Variants in CNTN4 observed in about 807,000 individuals in gnomAD.
The protein encoded by CNTN4 is contactin 4, also known as contactin-4.
A neutral mutation model predicts 122.5 loss-of-function variants in CNTN4; 77 were observed. The observed-to-expected ratio is 0.63, with a 90% CI of 0.52 to 0.76. The LOEUF (loss-of-function observed/expected upper bound fraction) is 0.76. Among genes scored for constraint, CNTN4 ranks in the 30% least tolerant of loss-of-function variants. The pLI is 0.00. For missense variants in CNTN4, 1,256 were observed against 1,259.1 expected, an observed-to-expected ratio of 1.00 and a Z score of 0.04; for synonymous variants, 512 against 447.0, an observed-to-expected ratio of 1.15 and a Z score of -1.83.
chr3:2,611,313 G>GAAAAAAA (rs1370397110), intron 4 of CNTN4, among the ~76,000 whole-genome samples: 16 of 113,600 alleles, frequency 1.4e-4, no homozygotes, highest in Non-Finnish European at 2.6e-4. Context: ...AAAAAAAAAA[G>GAAAAAAA]AAAGAAAGAA....
intron 3 of CNTN4, among the ~76,000 whole-genome samples, chr3:2,354,283 C>A (rs1022541182): frequency 1.3e-5 from 2 of 152,156 alleles, no homozygotes; most frequent in South Asian, 4.1e-4. Flanking sequence ...GTAATCCCAG[C>A]ACTTTGGGAG....
At chr3:2,564,290 C>T (rs944935468) in intron 3 of CNTN4, among the ~76,000 whole-genome samples, 13 of 152,074 alleles carry the variant, frequency 8.5e-5, no homozygotes, top group African/African-American at 3.1e-4. Flanking sequence ...TAAAAAATTA[C>T]AATAAGTGAT....
intron 4 of CNTN4, among the ~76,000 whole-genome samples, chr3:2,610,795 G>A (rs2081448753): frequency 6.6e-6 from 1 of 152,094 alleles, no homozygotes; most frequent in African/African-American, 2.4e-5. Flanking sequence ...AGTATTTTCA[G>A]AGTGTATTGT....
At chr3:2,512,091 C>T (rs1388854287) in intron 3 of CNTN4, among the ~76,000 whole-genome samples, 2 of 152,104 alleles carry the variant, frequency 1.3e-5, no homozygotes, top group South Asian at 2.1e-4. Context: ...AAAAGAAGTG[C>T]CTGTATTTCC....
chr3:2,979,227 T>G (rs1311191236), intron 13 of CNTN4, among the ~76,000 whole-genome samples: 1 of 152,024 alleles, frequency 6.6e-6, no homozygotes, highest in Non-Finnish European at 1.5e-5. Flanking sequence ...AGCCTCCTGG[T>G]GGGGGAAAGT....
chr3:2,497,373 A>G (rs1291707481), intron 3 of CNTN4, among the ~76,000 whole-genome samples: 1 of 152,108 alleles, frequency 6.6e-6, no homozygotes, highest in Non-Finnish European at 1.5e-5. Context: ...TCCCTATAGC[A>G]TTTTCACCCT....
At chr3:2,597,864 A>G (rs1313020724) in intron 4 of CNTN4, among the ~76,000 whole-genome samples, 1 of 152,196 alleles carries the variant, frequency 6.6e-6, no homozygotes, top group Non-Finnish European at 1.5e-5. Context: ...GAGTACTTCT[A>G]AAAGTAAACA....
Position 2,764,112 on chromosome 3 carries a change from C to T in CNTN4, c.358+18415C>T, listed in dbSNP as rs554036718. Among the ~76,000 whole-genome samples the T allele has an allele frequency of 9.2e-5, 14 of 152,168 alleles. No individual in the cohort carries two copies. The East Asian group carries it at 2.7e-3, about 29-fold the overall frequency. ...AGCATTCATCCATTCAGATATTTTTCTGAGTGCCTACTCTGTGCTGGGCAG... is the reference window on the plus strand; with the variant it reads ...AGCATTCATCCATTCAGATATTTTTTTGAGTGCCTACTCTGTGCTGGGCAG... On this transcript the variant is annotated intron_variant, in intron 6 of 24. Transcript: ENST00000418658.
chr3:2,746,308 GA>G, intron 6 of CNTN4, among the ~76,000 whole-genome samples: 1 of 151,968 alleles, frequency 6.6e-6, no homozygotes, highest in East Asian at 1.9e-4. Context: ...AAAACATGGA[GA>G]CAAAGTGTTA....
chr3:2,357,241 C>G (rs1245342117), intron 3 of CNTN4, among the ~76,000 whole-genome samples: 2 of 152,162 alleles, frequency 1.3e-5, no homozygotes, highest in Non-Finnish European at 2.9e-5. Context: ...AATCACTGTA[C>G]TTTTCAGAAT....
Position 2,423,480 on chromosome 3 carries a change from GTTT to G in CNTN4, c.-89+84261_-89+84263del, listed in dbSNP as rs199622494. Among the ~76,000 whole-genome samples, 5 of 114,210 alleles carry G rather than the reference GTTT, an allele frequency of 4.4e-5. No individual in the cohort carries two copies. The Admixed American group carries it at 4.4e-4, about 10-fold the overall frequency. The allele number at this position is 114,210 out of a possible 152,430, so 74.9% of individuals were successfully genotyped here. A position where few individuals can be genotyped will look rare whatever the true frequency, so the allele number is the denominator to read the frequency against. ...TTTCTGAAAGACAGGGTGAAAACTT[GTTT>G]TTTTTTTTTTTTTCAAATGTGCCTC... On this transcript the variant is annotated intron_variant, in intron 3 of 24. Transcript: ENST00000418658.
chr3:2,335,289 A>G (rs2043901497), intron 2 of CNTN4, among the ~76,000 whole-genome samples: 1 of 141,348 alleles, frequency 7.1e-6, no homozygotes, highest in Non-Finnish European at 1.5e-5. Context: ...AGTTTAGTGA[A>G]TTTTTCATGA....
intron 3 of CNTN4, among the ~76,000 whole-genome samples, chr3:2,466,468 AT>A (rs2075501294): frequency 6.6e-6 from 1 of 152,218 alleles, no homozygotes; most frequent in African/African-American, 2.4e-5. Context: ...GGATTTCAAA[AT>A]AAAAGAAATT....
intron 2 of CNTN4, among the ~76,000 whole-genome samples, chr3:2,273,014 C>A (rs1240334371): frequency 6.6e-6 from 1 of 152,120 alleles, no homozygotes; most frequent in Non-Finnish European, 1.5e-5. Flanking sequence ...AAAATATCAA[C>A]ATAGGATATA....
At chr3:2,149,015 A>G (rs943029237) in intron 2 of CNTN4, among the ~76,000 whole-genome samples, 1 of 151,682 alleles carries the variant, frequency 6.6e-6, no homozygotes, top group Admixed American at 6.6e-5. Flanking sequence ...TCTTACTGCA[A>G]TTTCAAACAC....
At chr3:2,877,454 C>CTTT (rs2093857725) in intron 8 of CNTN4, among the ~76,000 whole-genome samples, 1 of 152,180 alleles carries the variant, frequency 6.6e-6, no homozygotes, top group African/African-American at 2.4e-5. Flanking sequence ...GACATTTTTA[C>CTTT]TTTATGCATA....
At chr3:2,834,525 C>A (rs922949403) in intron 7 of CNTN4, among the ~76,000 whole-genome samples, 2 of 152,116 alleles carry the variant, frequency 1.3e-5, no homozygotes, top group African/African-American at 4.8e-5. Flanking sequence ...CAAGATCATG[C>A]CACTGTACTC....
chr3:2,566,256 T>C (rs1208138167), intron 3 of CNTN4, among the ~76,000 whole-genome samples: 2 of 152,226 alleles, frequency 1.3e-5, no homozygotes, highest in East Asian at 3.8e-4. Context: ...TAGAAACTAG[T>C]TCAGTATTTG....
At chr3:2,325,327 TTA>T (rs1229501028) in intron 2 of CNTN4, among the ~76,000 whole-genome samples, 1 of 152,220 alleles carries the variant, frequency 6.6e-6, no homozygotes, top group Non-Finnish European at 1.5e-5. Context: ...AACATGCTAT[TTA>T]TGTTAATATG....
Sources: allele counts gnomAD v4.1 joint callset (sites outside exome capture counted in the v4.1 genomes callset), GRCh38; gene constraint gnomAD v4.1.1; transcripts MANE v1.5; gene names NCBI Gene and HGNC (gene_info 2026-07-23, HGNC 2026-07-21).